TIMM50: variants seen among roughly 807,000 people sequenced by gnomAD.
TIMM50 encodes the protein mitochondrial import inner membrane translocase subunit TIM50.
Under a neutral mutation model 49.6 loss-of-function variants are expected in TIMM50, and 34 were observed. The ratio of observed to expected loss-of-function variants is 0.69; its 90% CI spans 0.52 to 0.91. The LOEUF is 0.91. Among genes scored for constraint, TIMM50 ranks in the 40% least tolerant of loss-of-function variants. TIMM50 has a pLI of 0.00. For missense variants in TIMM50, 458 were observed against 477.8 expected (o/e 0.96, Z 0.39); for synonymous variants, 199 against 198.4 (o/e 1.00, Z -0.03).
chr19:39,487,639 A>G (rs2079515975), intron 8 of TIMM50, among the ~76,000 whole-genome samples: 1 of 151,992 alleles, frequency 6.6e-6, no homozygotes, highest in African/African-American at 2.4e-5. Flanking sequence ...TTGTATTTTT[A>G]GTAGAGACAG....
chr19:39,483,028 A>G, intron 3 of TIMM50, 107 bp from the exon 4 acceptor site: 1 of 1,608,382 alleles, frequency 6.2e-7, no homozygotes, highest in Admixed American at 1.7e-5. Flanking sequence ...TTTCTTTCCC[A>G]GTGACCTTTG....
chr19:39,491,054 T>G lies in TIMM50; in HGVS notation c.*1234T>G, dbSNP rs767887165. ...ATAAAATAAAAATAAAATGTTGGCT[T>G]CTAACTAAAACAGGCAGATATGTAG... On this transcript the variant is annotated 3_prime_UTR_variant, in exon 11 of 11. Coordinates refer to ENST00000607714, the MANE Select transcript of TIMM50 (RefSeq NM_001001563.5). 3.3e-5 allele frequency: 5 copies of G among 151,602 alleles called. No individual in the cohort carries two copies. The highest frequency in any genetic ancestry group is 5.9e-5 in the Non-Finnish European group (4 of 67,960). The allele number at this position is 151,602 out of a possible 1,614,324, so 9.4% of individuals were successfully genotyped here. A position where few individuals can be genotyped will look rare whatever the true frequency, so the allele number is the denominator to read the frequency against.
chr19:39,481,128 C>G (rs1419967061), intron 1 of TIMM50, 167 bp downstream of exon 1: 2 of 907,836 alleles, frequency 2.2e-6, no homozygotes, highest in Non-Finnish European at 1.6e-6. Flanking sequence ...CTCCCCTAGG[C>G]TGGAGGCTGG....
In TIMM50 at chr19:39,490,121, AT is replaced by A. The variant is rs1447495138; in HGVS notation, c.*302del. 1 of 399,334 alleles carries A rather than the reference AT, an allele frequency of 2.5e-6. No individual in the cohort carries two copies. Among genetic ancestry groups the A allele is most frequent in the Non-Finnish European group, 4.6e-6 (1 of 216,142 alleles). 24.7% of individuals were successfully genotyped at this position (399,334 alleles called of 1,614,324 possible). ...CTGTGTGTTGCGTGATCTGTGAAAA[AT>A]ACATCTCCCTCTGACCACAGACTCC... On this transcript the variant is annotated 3_prime_UTR_variant, in exon 11 of 11. Transcript: ENST00000607714.
intron 1 of TIMM50, 98 bp downstream of exon 1, chr19:39,481,059 G>A: frequency 7.2e-7 from 1 of 1,395,718 alleles, no homozygotes; most frequent in Non-Finnish European, 9.4e-7. Flanking sequence ...CCTCACCTCA[G>A]GGTGCTGAAT....
At position 39,492,302 on chromosome 19, in the gene TIMM50, A is replaced by G. The variant is rs2079550517; in HGVS notation, c.*2482A>G. On this transcript the variant is annotated 3_prime_UTR_variant, in exon 11 of 11. Coordinates refer to ENST00000607714, the MANE Select transcript of TIMM50 (RefSeq NM_001001563.5). The stretch of plus-strand genomic sequence containing the variant: ...GGAGAGCAGCCTGGGCAACATGGGA[A>G]GAGCCTGTCTCTTGCGGGGGGGGGA... 6.9e-6 allele frequency: 1 copy of G among 144,280 alleles called. No individual in the cohort carries two copies. The highest frequency in any genetic ancestry group is 2.5e-4 in the South Asian group (1 of 4,028). The allele number at this position is 144,280 out of a possible 1,614,324, so 8.9% of individuals were successfully genotyped here. A position where few individuals can be genotyped will look rare whatever the true frequency, so the allele number is the denominator to read the frequency against.
At position 39,492,885 on chromosome 19, in the gene TIMM50, A is replaced by AAAAAC. The variant is rs1555752665; in HGVS notation, c.*3069_*3070insCAAAA. The AAAAAC allele has an allele frequency of 4.8e-5, 7 of 145,044 alleles. No individual in the cohort carries two copies. The highest frequency in any genetic ancestry group is 1.9e-4 in the African/African-American group (7 of 37,218). 9.0% of individuals were successfully genotyped at this position (145,044 alleles called of 1,614,324 possible). On this transcript the variant is annotated 3_prime_UTR_variant, in exon 11 of 11. Transcript: ENST00000607714. Reference sequence around the variant, plus strand: ...GGCTCTGTCTCCAAAAAAAAAAAAAAAAAAAAACAAAAAAAAAACCAGTTT... The same window carrying AAAAAC: ...GGCTCTGTCTCCAAAAAAAAAAAAAAAAAACAAAAAAACAAAAAAAAAACCAGTTT...
At position 39,480,960 on chromosome 19, in the gene TIMM50, A is replaced by T; in HGVS notation, c.107A>T (p.Gln36Leu). 6.3e-7 allele frequency: 1 copy of T among 1,580,284 alleles called. No homozygotes were observed. Among genetic ancestry groups the T allele is most frequent in the Non-Finnish European group, 8.5e-7 (1 of 1,172,434 alleles). ...ACGCCGCCCCGCCGGGCCCCAGATC[A>T]GGTGAGCGGAACGAGGGTGGCCCTC... ...LATPPRRAPD[Q>L]AAEIGSRGST... Residue 36 changes from glutamine to leucine, a missense_variant and splice_region_variant, in exon 1 of 11, where the codon CAG becomes CTG. Transcript: ENST00000607714.
Position 39,481,894 on chromosome 19 carries a change from C to T in TIMM50, c.120C>T (p.Ile40=), listed in dbSNP as rs758633207. The T allele has an allele frequency of 1.8e-5, 29 of 1,613,104 alleles. No homozygotes were observed. The highest frequency in any genetic ancestry group is 4.4e-5 in the South Asian group (4 of 91,068). ...TTTCTCAACCGCAGGCCGCAGAGAT[C>T]GGGAGCCGCGGGAGCACTAAGGCGC... ...PRRAPDQAAE[I]GSRGSTKAQG... is the part of the protein sequence containing the mutation. Residue 40 remains isoleucine (I), a synonymous_variant, in exon 2 of 11, where the codon ATC becomes ATT. Coordinates refer to ENST00000607714, the MANE Select transcript of TIMM50 (RefSeq NM_001001563.5).
chr19:39,486,430 C>G lies in TIMM50; in HGVS notation c.631C>G (p.His211Asp), dbSNP rs1250725793. ...TCCACTCATTGATAGTGTGGACCCCCATGGCTTCATCTCCTACCGCCTATT... is the reference window on the plus strand; with the variant it reads ...TCCACTCATTGATAGTGTGGACCCCGATGGCTTCATCTCCTACCGCCTATT... ...AFPLIDSVDP[H>D]GFISYRLFRD... The change falls in exon 8 of 11, where the codon CAT (histidine) becomes GAT (aspartate). Residue 211 changes from histidine to aspartate, a missense_variant. Transcript: ENST00000607714. 1 of 1,614,186 alleles carries G rather than the reference C, an allele frequency of 6.2e-7. No individual in the cohort carries two copies. The highest frequency in any genetic ancestry group is 8.5e-7 in the Non-Finnish European group (1 of 1,180,030).
At chr19:39,488,712 TCCATCTCCACA>T in intron 10 of TIMM50, 67 bp downstream of exon 10, 1 of 1,297,010 alleles carries the variant, frequency 7.7e-7, no homozygotes, top group Non-Finnish European at 1.1e-6. Context: ...CCTGGGGCAG[TCCATCTCCACA>T]CTCTTGGTTT....
intron 8 of TIMM50, among the ~76,000 whole-genome samples, chr19:39,487,735 G>A (rs566166549): frequency 2.0e-4 from 30 of 152,018 alleles, no homozygotes; most frequent in South Asian, 2.1e-4. Context: ...CTGGGAGTAC[G>A]GTCGTGAGCC....
Position 39,485,807 on chromosome 19 carries a change from G to A in TIMM50, c.492G>A (p.Ser164=), listed in dbSNP as rs1306487675. Residue 164 remains serine (S), a splice_region_variant and synonymous_variant, in exon 6 of 11, where the codon TCG becomes TCA. Transcript: ENST00000607714. ...GCGTCCTCTTGCATCCTGAGTGGTC[G>A]GTGTGTCCCGGGAAACCCAGTGGGT... ...LTGVLLHPEW[S]LATGWRFKKR... The A allele has an allele frequency of 2.5e-6, 4 of 1,613,936 alleles. No homozygotes were observed. The highest frequency in any genetic ancestry group is 3.4e-6 in the Non-Finnish European group (4 of 1,180,022).
In TIMM50 at chr19:39,483,227, C is replaced by T; in HGVS notation, c.313+71C>T. On this transcript the variant is annotated intron_variant, in intron 4 of 10. Transcript: ENST00000607714. ...CTGTCATTTGTAAGGATGTCTCTCT[C>T]CCCATCTGGTGTCTCCGGCCCCTCC... The T allele has an allele frequency of 2.5e-6, 4 of 1,596,182 alleles. No homozygotes were observed. In the South Asian group the frequency reaches 4.4e-5, roughly 18 times the overall value.
Position 39,492,881 on chromosome 19 carries a change from AAAAAAAAAAAAC to A in TIMM50, c.*3072_*3083del, listed in dbSNP as rs1568445492. Reference sequence around the variant, plus strand: ...GTAAGGCTCTGTCTCCAAAAAAAAAAAAAAAAAAAAACAAAAAAAAAACCAGTTTGACTTTAT... The same window carrying A: ...GTAAGGCTCTGTCTCCAAAAAAAAAAAAAAAAAAAACCAGTTTGACTTTAT... On this transcript the variant is annotated 3_prime_UTR_variant, in exon 11 of 11. Transcript: ENST00000607714. 6.9e-6 allele frequency: 1 copy of A among 145,088 alleles called. No homozygotes were observed. The highest frequency in any genetic ancestry group is 2.7e-5 in the African/African-American group (1 of 37,102). The allele number at this position is 145,088 out of a possible 1,614,324, so 9.0% of individuals were successfully genotyped here.
In TIMM50 at chr19:39,481,927, A is replaced by G. The variant is rs1488506968; in HGVS notation, c.153A>G (p.Pro51=). The change falls in exon 2 of 11, where the codon CCA becomes CCG. Residue 51 remains proline, a synonymous_variant. Transcript: ENST00000607714. Reference sequence around the variant, plus strand: ...GCGGGAGCACTAAGGCGCAAGGGCCACAGCAGCAGCCGGGCTCAGAGGGTC... The same window carrying G: ...GCGGGAGCACTAAGGCGCAAGGGCCGCAGCAGCAGCCGGGCTCAGAGGGTC... ...GSRGSTKAQG[P]QQQPGSEGPS... The G allele has an allele frequency of 2.5e-6, 4 of 1,614,142 alleles. No homozygotes were observed. The Admixed American group carries it at 6.7e-5, about 27-fold the overall frequency.
rs749117614 is a variant in TIMM50, at chr19:39,482,021, G to A, written c.247G>A (p.Val83Ile). The A allele has an allele frequency of 1.2e-6, 2 of 1,613,970 alleles. No homozygotes were observed. Among genetic ancestry groups the A allele is most frequent in the South Asian group, 1.1e-5 (1 of 91,068 alleles). ...LLGAGGTVSVVYIFGNNPVDE... is the reference protein window; with the variant it reads ...LLGAGGTVSVIYIFGNNPVDE... ...TGGAGCTGGTGGGACTGTGAGCGTC[G>A]TCTATATCTTTGGTGAGGGACATAT... The change falls in exon 2 of 11, where the codon GTC becomes ATC. Residue 83 changes from valine (V) to isoleucine (I), a missense_variant. Physicochemically the swap from Val to Ile is conservative, Grantham distance 29 (BLOSUM62 3). Coordinates refer to ENST00000607714, the MANE Select transcript of TIMM50 (RefSeq NM_001001563.5).
chr19:39,486,628 C>A, intron 8 of TIMM50, 133 bp downstream of exon 8: 1 of 790,790 alleles, frequency 1.3e-6, no homozygotes, highest in Non-Finnish European at 2.1e-6. Flanking sequence ...CTGGCAGGCA[C>A]ATGCCTGCCT....
chr19:39,486,347 G>A (rs751700628), intron 7 of TIMM50, 50 bp from the exon 8 acceptor site: 16 of 1,612,996 alleles, frequency 9.9e-6, no homozygotes, highest in Admixed American at 1.7e-5. Context: ...GTAGAGATCT[G>A]GAGGACCAGG....
Sources: allele counts gnomAD v4.1 joint callset (sites outside exome capture counted in the v4.1 genomes callset), GRCh38; gene constraint gnomAD v4.1.1; transcripts MANE v1.5; gene names NCBI Gene and HGNC (gene_info 2026-07-23, HGNC 2026-07-21).